Variants in NRXN3 observed in about 807,000 individuals in gnomAD.
NRXN3 encodes neurexin 3.
A neutral mutation model predicts 137.6 loss-of-function variants in NRXN3; 32 were observed. That is an observed-to-expected ratio of 0.23 (90% CI 0.18 to 0.31). NRXN3 has a LOEUF of 0.31. NRXN3 is among the 10% of genes least tolerant of loss of function. The probability of loss-of-function intolerance (pLI) is 1.00; values close to 1 mark genes in which losing one functional copy is unlikely to be tolerated. For synonymous variants in NRXN3, 798 were observed against 784.5 expected, an observed-to-expected ratio of 1.02 and a Z score of -0.29; for missense variants, 1,574 against 2,062.5, an observed-to-expected ratio of 0.76 and a Z score of 4.59.
At chr14:79,348,667 G>C (rs144878100) in intron 15 of NRXN3, among the ~76,000 whole-genome samples, 1 of 152,132 alleles carries the variant, frequency 6.6e-6, no homozygotes, top group Admixed American at 6.5e-5. Flanking sequence ...GTAAGCCACC[G>C]CGCCCGGCCT....
chr14:78,955,916 A>C (rs1273372455), intron 10 of NRXN3, among the ~76,000 whole-genome samples: 1 of 152,160 alleles, frequency 6.6e-6, no homozygotes, highest in African/African-American at 2.4e-5. Context: ...AAAGCTTTCA[A>C]AATTACTTAG....
chr14:78,955,670 T>C (rs1301872247), intron 10 of NRXN3, among the ~76,000 whole-genome samples: 1 of 152,188 alleles, frequency 6.6e-6, no homozygotes, highest in Non-Finnish European at 1.5e-5. Flanking sequence ...ATTTGCTGTG[T>C]ACATTGTAAT....
At chr14:79,276,430 T>C (rs2080287549) in intron 15 of NRXN3, among the ~76,000 whole-genome samples, 1 of 152,152 alleles carries the variant, frequency 6.6e-6, no homozygotes, top group South Asian at 2.1e-4. Flanking sequence ...TGAAGAGTCT[T>C]CTCAGTATTT....
At chr14:78,611,349 A>G (rs1228535939) in intron 4 of NRXN3, among the ~76,000 whole-genome samples, 3 of 150,804 alleles carry the variant, frequency 2.0e-5, no homozygotes, top group Non-Finnish European at 2.9e-5. Flanking sequence ...TTTCCATGCC[A>G]GTTTCTCCCT....
At chr14:78,516,204 T>A (rs1159380045) in intron 4 of NRXN3, among the ~76,000 whole-genome samples, 1 of 151,776 alleles carries the variant, frequency 6.6e-6, no homozygotes, top group Admixed American at 6.6e-5. Context: ...GGGTTAAACA[T>A]GTCAAGAATT....
At chr14:79,302,530 A>G (rs554125504) in intron 15 of NRXN3, among the ~76,000 whole-genome samples, 14 of 152,050 alleles carry the variant, frequency 9.2e-5, no homozygotes, top group Admixed American at 4.6e-4. Flanking sequence ...TGAGAGCTCA[A>G]TATTTCAAGG....
chr14:79,050,186 C>A (rs188526308), intron 15 of NRXN3, among the ~76,000 whole-genome samples: 1 of 152,296 alleles, frequency 6.6e-6, no homozygotes, highest in Non-Finnish European at 1.5e-5. Context: ...TCTGTGTTGT[C>A]CTGAGATATC....
At chr14:78,991,172 G>T (rs887436345) in intron 15 of NRXN3, among the ~76,000 whole-genome samples, 1 of 152,194 alleles carries the variant, frequency 6.6e-6, no homozygotes, top group Non-Finnish European at 1.5e-5. Context: ...GAATAATGAT[G>T]AAAAGGAATA....
intron 10 of NRXN3, among the ~76,000 whole-genome samples, chr14:78,947,767 G>A (rs923586813): frequency 1.3e-5 from 2 of 152,104 alleles, no homozygotes; most frequent in Non-Finnish European, 2.9e-5. Flanking sequence ...GCAGACTACT[G>A]CCTTCTGTAC....
intron 20 of NRXN3, among the ~76,000 whole-genome samples, chr14:79,855,434 T>G (rs1023708484): frequency 6.6e-6 from 1 of 152,336 alleles, no homozygotes; most frequent in South Asian, 2.1e-4. Flanking sequence ...CGATTTTGTG[T>G]TGTTTGACAT....
rs1412968116 is a variant in NRXN3 at position 79,007,601 on chromosome 14, C to T, written c.3262+19460C>T. On this transcript the variant is annotated intron_variant, in intron 15 of 20. Coordinates refer to ENST00000335750, the MANE Select transcript of NRXN3 (RefSeq NM_001330195.2). ...CAGGCAGATCACACGGTCAGGAGAT[C>T]GAGACCATCCTGGCTAACACGGTGA... Among the ~76,000 whole-genome samples, 8 of 151,656 alleles carry T rather than the reference C, an allele frequency of 5.3e-5. No individual in the cohort carries two copies. The East Asian group carries it at 1.6e-3, about 30-fold the overall frequency.
At chr14:78,583,464 C>T (rs2097025914) in intron 4 of NRXN3, among the ~76,000 whole-genome samples, 1 of 151,048 alleles carries the variant, frequency 6.6e-6, no homozygotes, top group Non-Finnish European at 1.5e-5. Context: ...TTGCCAGTTC[C>T]CATTGAAGTG....
At chr14:79,007,805 CAA>C (rs1160867331) in intron 15 of NRXN3, among the ~76,000 whole-genome samples, 50 of 38,008 alleles carry the variant, frequency 1.3e-3, no homozygotes, top group African/African-American at 3.6e-3. Flanking sequence ...GACTCCATCT[CAA>C]AAAAAAAAAA....
chr14:78,836,998 A>G (rs994415185), intron 10 of NRXN3, among the ~76,000 whole-genome samples: 2 of 152,132 alleles, frequency 1.3e-5, no homozygotes, highest in African/African-American at 4.8e-5. Flanking sequence ...CTGTGAAGGC[A>G]GTGTTCAAGT....
chr14:78,852,949 T>G (rs371070611), intron 10 of NRXN3, among the ~76,000 whole-genome samples: 2 of 152,078 alleles, frequency 1.3e-5, no homozygotes, highest in East Asian at 3.9e-4. Context: ...TTTGTCTTTC[T>G]GTGCCTGGCT....
At chr14:78,763,430 G>T (rs1437376177) in intron 8 of NRXN3, among the ~76,000 whole-genome samples, 1 of 152,012 alleles carries the variant, frequency 6.6e-6, no homozygotes, top group Non-Finnish European at 1.5e-5. Context: ...CATACAGTGT[G>T]TGGTGTTTTG....
chr14:78,863,379 C>T (rs1267595653), intron 10 of NRXN3, among the ~76,000 whole-genome samples: 1 of 152,094 alleles, frequency 6.6e-6, no homozygotes, highest in Admixed American at 6.6e-5. Context: ...AACTCAGTCC[C>T]CTTAGTCTCT....
intron 15 of NRXN3, among the ~76,000 whole-genome samples, chr14:79,316,732 C>A (rs1416777483): frequency 3.6e-5 from 1 of 27,520 alleles, no homozygotes; most frequent in Admixed American, 7.8e-4. Flanking sequence ...TCCTGTCCCT[C>A]TCTCTCTCTC....
chr14:78,201,767 G>A (rs986374965), intron 1 of NRXN3, among the ~76,000 whole-genome samples: 3 of 152,240 alleles, frequency 2.0e-5, no homozygotes, highest in Admixed American at 1.3e-4. Context: ...TCACCACCAC[G>A]GGCTGGTGAG....
Sources: allele counts gnomAD v4.1 joint callset (sites outside exome capture counted in the v4.1 genomes callset), GRCh38; gene constraint gnomAD v4.1.1; transcripts MANE v1.5; gene names NCBI Gene and HGNC (gene_info 2026-07-23, HGNC 2026-07-21).